Variants in ERO1B observed in about 807,000 individuals in gnomAD.
The protein encoded by ERO1B is endoplasmic reticulum oxidoreductase 1 beta.
A neutral mutation model predicts 75.3 loss-of-function variants in ERO1B; 49 were observed. That is an observed-to-expected ratio of 0.65 (90% CI 0.52 to 0.83). The LOEUF (loss-of-function observed/expected upper bound fraction) is 0.83, where lower values mean the gene tolerates loss of function less well. ERO1B is among the 40% of genes least tolerant of loss of function. ERO1B has a pLI of 0.00. For missense variants in ERO1B, 512 were observed against 560.1 expected, an observed-to-expected ratio of 0.91 and a Z score of 0.87; for synonymous variants, 191 against 192.9, an observed-to-expected ratio of 0.99 and a Z score of 0.08.
chr1:236,242,774 C>T (rs1022248999), intron 6 of ERO1B, among the ~76,000 whole-genome samples: 1 of 152,088 alleles, frequency 6.6e-6, no homozygotes, highest in Non-Finnish European at 1.5e-5. Context: ...CTACTCAGCA[C>T]AATTCTTTGG....
At chr1:236,218,701 A>C in intron 15 of ERO1B, 125 bp from the exon 16 acceptor site, 5 of 821,158 alleles carry the variant, frequency 6.1e-6, no homozygotes, top group Non-Finnish European at 7.9e-6. Context: ...CAAACACTGA[A>C]GCTTCCATGT....
Position 236,248,153 on chromosome 1 carries a change from A to G in ERO1B, c.431+1732T>C, listed in dbSNP as rs557561869. ...CTAGTACCCTAGAACAGTGCTTGGC[A>G]CATTGTAGACATTCATTTGTTGAAT... On this transcript the variant is annotated intron_variant, in intron 5 of 15. Coordinates refer to ENST00000354619, the MANE Select transcript of ERO1B (RefSeq NM_019891.4). Among the ~76,000 whole-genome samples, 8 of 152,338 alleles carry G rather than the reference A, an allele frequency of 5.3e-5. 1 individual carries two copies. Among genetic ancestry groups the G allele is most frequent in the African/African-American group, 1.9e-4 (8 of 41,578 alleles).
intron 8 of ERO1B, among the ~76,000 whole-genome samples, chr1:236,234,399 G>T (rs1002884810): frequency 2.0e-5 from 3 of 152,140 alleles, no homozygotes; most frequent in Non-Finnish European, 4.4e-5. Context: ...CTGTAGAAAA[G>T]GTCTGGAAGA....
intron 2 of ERO1B, among the ~76,000 whole-genome samples, chr1:236,257,997 C>G (rs374278762): frequency 9.5e-5 from 14 of 147,562 alleles, no homozygotes; most frequent in South Asian, 8.6e-4. Context: ...GAAAAAGGGA[C>G]AAAAAAAATT....
intron 13 of ERO1B, among the ~76,000 whole-genome samples, chr1:236,224,109 C>T (rs146706116): frequency 6.6e-6 from 1 of 152,240 alleles, no homozygotes; most frequent in Non-Finnish European, 1.5e-5. Context: ...GCAGTCAAAT[C>T]CGTTAATGTT....
In ERO1B at chr1:236,281,876, C is replaced by A. The variant is rs1665845279; in HGVS notation, c.-93G>T. ...GACGACCCAAGGGGACGGTTCCCAG[C>A]GGCCGAGCGACTCCAGGGTCAGAGG... is the stretch of plus-strand genomic sequence containing the variant. On this transcript the variant is annotated 5_prime_UTR_variant, in exon 1 of 16. Transcript: ENST00000354619. 1.1e-6 allele frequency: 1 copy of A among 926,684 alleles called. No homozygotes were observed. Among genetic ancestry groups the A allele is most frequent in the Non-Finnish European group, 1.4e-6 (1 of 692,450 alleles). The allele number at this position is 926,684 out of a possible 1,614,324, so 57.4% of individuals were successfully genotyped here.
chr1:236,230,263 G>A lies in ERO1B; in HGVS notation c.686-13C>T, dbSNP rs768044096. On this transcript the variant is annotated splice_polypyrimidine_tract_variant and intron_variant, in intron 9 of 15. Coordinates refer to ENST00000354619, the MANE Select transcript of ERO1B (RefSeq NM_019891.4). ...TAGAATGATTCTCCTGAGAGAGAGA[G>A]AAAAGTGGATTAAAACATTATATGG... 1 of 1,581,618 alleles carries A rather than the reference G, an allele frequency of 6.3e-7. No individual in the cohort carries two copies. Among genetic ancestry groups the A allele is most frequent in the Non-Finnish European group, 8.7e-7 (1 of 1,152,848 alleles).
At position 236,215,441 on chromosome 1, in the gene ERO1B, A is replaced by C. The variant is rs970370940; in HGVS notation, c.*3075T>G. ...CCAATGCTTGCCATTATGATAAGAA[A>C]CAACCTCAGACTACTTATAAATACA... is the stretch of plus-strand genomic sequence containing the variant. On this transcript the variant is annotated 3_prime_UTR_variant, in exon 16 of 16. Transcript: ENST00000354619. 1 of 152,204 alleles carries C rather than the reference A, an allele frequency of 6.6e-6. No individual in the cohort carries two copies. The highest frequency in any genetic ancestry group is 2.4e-5 in the African/African-American group (1 of 41,462). The allele number at this position is 152,204 out of a possible 1,614,324, so 9.4% of individuals were successfully genotyped here.
At chr1:236,270,641 C>G (rs1276090042) in intron 1 of ERO1B, among the ~76,000 whole-genome samples, 1 of 151,980 alleles carries the variant, frequency 6.6e-6, no homozygotes, top group Non-Finnish European at 1.5e-5. Flanking sequence ...AATTTAGAGT[C>G]CCAAAATTCC....
chr1:236,261,941 T>TCAAAAA (rs1553373801), intron 2 of ERO1B, among the ~76,000 whole-genome samples: 10,052 of 151,622 alleles, frequency 0.066, 664 homozygotes, highest in East Asian at 0.37. Context: ...AGGCTCTGTC[T>TCAAAAA]CAAAAACAAA....
chr1:236,260,190 T>C (rs1295884838), intron 2 of ERO1B, among the ~76,000 whole-genome samples: 1 of 151,844 alleles, frequency 6.6e-6, no homozygotes, highest in Non-Finnish European at 1.5e-5. Flanking sequence ...ACAACTGACA[T>C]CGAAGAAAAA....
chr1:236,250,340 C>G (rs1407626734), intron 4 of ERO1B, among the ~76,000 whole-genome samples: 2 of 151,740 alleles, frequency 1.3e-5, no homozygotes, highest in African/African-American at 4.8e-5. Flanking sequence ...TGTGGTGGCA[C>G]ACGCCTGTAA....
intron 5 of ERO1B, among the ~76,000 whole-genome samples, chr1:236,247,331 T>C (rs1425923388): frequency 6.6e-6 from 1 of 152,200 alleles, no homozygotes; most frequent in Non-Finnish European, 1.5e-5. Flanking sequence ...CCTCCAGCTG[T>C]CCACAGGTCA....
intron 1 of ERO1B, among the ~76,000 whole-genome samples, chr1:236,274,230 T>C (rs1255062668): frequency 6.6e-6 from 1 of 152,150 alleles, no homozygotes; most frequent in Non-Finnish European, 1.5e-5. Flanking sequence ...GTGATCCGCC[T>C]GCCTCAGCCT....
chr1:236,234,349 G>A (rs1461707831), intron 8 of ERO1B, among the ~76,000 whole-genome samples: 1 of 152,106 alleles, frequency 6.6e-6, no homozygotes, highest in Non-Finnish European at 1.5e-5. Flanking sequence ...GTTTTCTTAA[G>A]TGAAAAAATT....
chr1:236,257,356 T>A (rs1665182734), intron 2 of ERO1B, among the ~76,000 whole-genome samples: 1 of 151,976 alleles, frequency 6.6e-6, no homozygotes, highest in Non-Finnish European at 1.5e-5. Context: ...ACCATCTGAG[T>A]AAACAGCAAC....
chr1:236,239,911 A>ATTTTTTTTTTTTTTTTT (rs1218642025), intron 6 of ERO1B, among the ~76,000 whole-genome samples: 1 of 106,964 alleles, frequency 9.3e-6, no homozygotes, highest in African/African-American at 4.1e-5. Flanking sequence ...ATATATATAT[A>ATTTTTTTTTTTTTTTTT]TTTTTTTTTT....
In ERO1B at chr1:236,239,911, A is replaced by ATTT. The variant is rs1218642025; in HGVS notation, c.505+3508_505+3510dup. On this transcript the variant is annotated intron_variant, in intron 6 of 15. Coordinates refer to ENST00000354619, the MANE Select transcript of ERO1B (RefSeq NM_019891.4). Reference sequence around the variant, plus strand: ...TGTGTGTATATATATATATATATATATTTTTTTTTTTTGCGATGAGGCTGA... The same window carrying ATTT: ...TGTGTGTATATATATATATATATATATTTTTTTTTTTTTTTGCGATGAGGCTGA... 9.8e-4 allele frequency among the ~76,000 whole-genome samples: 105 copies of ATTT among 106,952 alleles called. 5 individuals carry two copies. Among genetic ancestry groups the ATTT allele is most frequent in the African/African-American group, 3.9e-3 (97 of 24,654 alleles). 70.2% of individuals were successfully genotyped at this position (106,952 alleles called of 152,430 possible). A position where few individuals can be genotyped will look rare whatever the true frequency, so the allele number is the denominator to read the frequency against.
In ERO1B at chr1:236,240,539, C is replaced by T. The variant is rs994296538; in HGVS notation, c.505+2883G>A. Among the ~76,000 whole-genome samples the T allele has an allele frequency of 1.7e-4, 26 of 152,116 alleles. 1 individual carries two copies. Among genetic ancestry groups the T allele is most frequent in the Admixed American group, 1.2e-3 (18 of 15,286 alleles). ...ATAAAGCTCTCAAAAAATTTTGATA[C>T]ACAACCAGATTTAGAAACTACTGTT... On this transcript the variant is annotated intron_variant, in intron 6 of 15. Transcript: ENST00000354619.
Sources: gnomAD v4.1 joint callset for allele counts (sites outside exome capture counted in the v4.1 genomes callset) on GRCh38, gnomAD v4.1.1 for gene constraint, MANE v1.5 for transcripts, NCBI Gene and HGNC (gene_info 2026-07-23, HGNC 2026-07-21) for gene names.